Variants in STPG2 observed in about 807,000 individuals in gnomAD.
STPG2 encodes sperm tail PG-rich repeat containing 2, also known as sperm-tail PG-rich repeat-containing protein 2.
STPG2 carries 56 observed loss-of-function variants against 54.2 expected under a neutral mutation model. That is an observed-to-expected ratio of 1.03 (90% CI 0.83 to 1.29). The LOEUF is 1.29. Among genes scored for constraint, STPG2 ranks in the 50% most tolerant of loss-of-function variants. The probability of loss-of-function intolerance (pLI) is 0.00; values close to 1 mark genes in which losing one functional copy is unlikely to be tolerated. For synonymous variants in STPG2, 200 were observed against 181.8 expected, an observed-to-expected ratio of 1.10 and a Z score of -0.81; for missense variants, 596 against 544.9, an observed-to-expected ratio of 1.09 and a Z score of -0.93.
intron 3 of STPG2, among the ~76,000 whole-genome samples, chr4:98,115,435 T>C (rs1294184339): frequency 1.3e-5 from 2 of 152,096 alleles, no homozygotes; most frequent in Admixed American, 1.3e-4. Flanking sequence ...ATTCAAAATG[T>C]TATATAAAAT....
chr4:98,117,284 C>T (rs533414945), intron 3 of STPG2, among the ~76,000 whole-genome samples: 2 of 152,088 alleles, frequency 1.3e-5, no homozygotes, highest in African/African-American at 4.8e-5. Context: ...CTCATGATTT[C>T]TATTAACCTT....
chr4:97,615,335 C>G (rs1322384669), intron 10 of STPG2, among the ~76,000 whole-genome samples: 15 of 151,872 alleles, frequency 9.9e-5, no homozygotes, highest in Admixed American at 9.8e-4. Flanking sequence ...TTTTCATGAA[C>G]TTTTTGAAAA....
At chr4:97,463,318 A>G (rs1040235315) in intron 4 of STPG2, among the ~76,000 whole-genome samples, 2 of 152,148 alleles carry the variant, frequency 1.3e-5, no homozygotes, top group African/African-American at 4.8e-5. Context: ...TAAATTTCGG[A>G]CGCTTTATTA....
At chr4:97,578,267 G>C (rs1732774142) in intron 10 of STPG2, among the ~76,000 whole-genome samples, 1 of 151,934 alleles carries the variant, frequency 6.6e-6, no homozygotes, top group Non-Finnish European at 1.5e-5. Flanking sequence ...ACCACTCCCA[G>C]CTAAATTTGT....
chr4:97,793,710 TA>T (rs1441012654), intron 9 of STPG2, among the ~76,000 whole-genome samples: 8 of 151,878 alleles, frequency 5.3e-5, no homozygotes, highest in Non-Finnish European at 1.2e-4. Flanking sequence ...TAAGATCAAG[TA>T]AAAGTAAAGC....
At chr4:97,534,952 T>C (rs1279795239) in intron 4 of STPG2, among the ~76,000 whole-genome samples, 1 of 152,216 alleles carries the variant, frequency 6.6e-6, no homozygotes, top group African/African-American at 2.4e-5. Flanking sequence ...GTTTCAAACA[T>C]TGATCCATTT....
chr4:97,625,598 C>T (rs1734119389), intron 10 of STPG2, among the ~76,000 whole-genome samples: 1 of 152,128 alleles, frequency 6.6e-6, no homozygotes, highest in Admixed American at 6.6e-5. Context: ...CAGGTGTGAG[C>T]CACCATGCTT....
At chr4:97,543,046 C>T (rs983408878) in intron 4 of STPG2, among the ~76,000 whole-genome samples, 2 of 151,878 alleles carry the variant, frequency 1.3e-5, no homozygotes, top group Non-Finnish European at 2.9e-5. Context: ...ATGGGTGCAG[C>T]ACACCAACAT....
downstream of STPG2, among the ~76,000 whole-genome samples, chr4:97,555,540 G>T (rs1472087928): frequency 1.3e-5 from 2 of 151,964 alleles, no homozygotes; most frequent in South Asian, 2.1e-4. Context: ...AAAGAATGAT[G>T]GTGAGACATC....
chr4:97,788,548 A>T (rs1293529435), intron 9 of STPG2, among the ~76,000 whole-genome samples: 1 of 152,090 alleles, frequency 6.6e-6, no homozygotes, highest in Non-Finnish European at 1.5e-5. Context: ...CAGTACAGAT[A>T]TCTCTTTGAT....
At chr4:97,908,131 C>G (rs1220876675) in intron 8 of STPG2, among the ~76,000 whole-genome samples, 3 of 151,218 alleles carry the variant, frequency 2.0e-5, no homozygotes, top group Admixed American at 6.6e-5. Context: ...TGACAAAGGG[C>G]TAATATCCAG....
chr4:98,105,904 A>G (rs757782079), intron 5 of STPG2, 49 bp downstream of exon 5: 6 of 1,462,398 alleles, frequency 4.1e-6, no homozygotes, highest in Middle Eastern at 1.8e-4. Flanking sequence ...ACAGGATTCA[A>G]TGATCTTAAA....
At chr4:97,927,017 T>C (rs781328625) in intron 8 of STPG2, among the ~76,000 whole-genome samples, 1 of 152,090 alleles carries the variant, frequency 6.6e-6, no homozygotes, top group Non-Finnish European at 1.5e-5. Context: ...TTAAGGAAAC[T>C]GAAATTTACA....
intron 9 of STPG2, among the ~76,000 whole-genome samples, chr4:97,837,943 C>T (rs1025399596): frequency 2.0e-5 from 3 of 151,446 alleles, no homozygotes; most frequent in Non-Finnish European, 4.4e-5. Flanking sequence ...TTTTAATTTT[C>T]CAATAATTCT....
chr4:97,750,190 T>C (rs546246714), intron 9 of STPG2, among the ~76,000 whole-genome samples: 39 of 151,950 alleles, frequency 2.6e-4, no homozygotes, highest in African/African-American at 8.9e-4. Flanking sequence ...CTTTCACTGA[T>C]AGAGCCCTTA....
intron 10 of STPG2, among the ~76,000 whole-genome samples, chr4:97,637,964 G>T (rs1560697638): frequency 1.3e-5 from 2 of 151,630 alleles, no homozygotes; most frequent in African/African-American, 2.4e-5. Flanking sequence ...AGCTACCAAT[G>T]ACTTTCTTCA....
chr4:97,857,518 G>A (rs182124761), intron 8 of STPG2, among the ~76,000 whole-genome samples: 14 of 151,634 alleles, frequency 9.2e-5, no homozygotes, highest in Non-Finnish European at 1.6e-4. Context: ...CCTTATTTCC[G>A]ATTGTGTGTA....
chr4:97,842,005 T>A (rs1012130166), intron 8 of STPG2, among the ~76,000 whole-genome samples: 5 of 151,886 alleles, frequency 3.3e-5, no homozygotes, highest in African/African-American at 4.8e-5. Flanking sequence ...TTTTAAAGTT[T>A]CAAATAAGTC....
intron 4 of STPG2, among the ~76,000 whole-genome samples, chr4:97,459,277 G>A (rs1360202220): frequency 6.6e-6 from 1 of 151,962 alleles, no homozygotes; most frequent in Non-Finnish European, 1.5e-5. Flanking sequence ...CAAAATAAGT[G>A]TTGAAACAAA....
Sources: allele counts gnomAD v4.1 joint callset (sites outside exome capture counted in the v4.1 genomes callset), GRCh38; gene constraint gnomAD v4.1.1; transcripts MANE v1.5; gene names NCBI Gene and HGNC (gene_info 2026-07-23, HGNC 2026-07-21).